Variants in ZNF644 observed in about 807,000 individuals in gnomAD.
ZNF644 encodes the protein zinc finger protein 644.
In ZNF644, 20 loss-of-function variants were observed where a neutral mutation model predicts 108.0. That is an observed-to-expected ratio of 0.19 (90% CI 0.13 to 0.27). The LOEUF is 0.27. ZNF644 is among the 10% of genes least tolerant of loss of function. ZNF644 has a pLI of 1.00. For missense variants in ZNF644, 1,338 were observed against 1,548.9 expected (o/e 0.86, Z 2.29); for synonymous variants, 542 against 539.1 (o/e 1.01, Z -0.08).
In ZNF644 at chr1:90,940,181, A is replaced by C; in HGVS notation, c.1173T>G (p.Cys391Trp). 6.2e-7 allele frequency: 1 copy of C among 1,613,966 alleles called. No homozygotes were observed. Among genetic ancestry groups the C allele is most frequent in the Non-Finnish European group, 8.5e-7 (1 of 1,179,936 alleles). ...TFLSNTLKKKCEESDSESPAT... is the reference protein window; with the variant it reads ...TFLSNTLKKKWEESDSESPAT... The stretch of plus-strand genomic sequence containing the variant: ...CAGGTGACTCAGAATCACTCTCTTC[A>C]CATTTCTTTTTTAAGGTATTTGAAA... Residue 391 changes from cysteine (C) to tryptophan (W), a missense_variant, in exon 3 of 6, where the codon TGT becomes TGG. Cys to Trp is a radical substitution (Grantham distance 215). This residue lies in a region of ZNF644 where 464 missense variants were observed against 457.9 expected (regional missense o/e 1.01). Coordinates refer to ENST00000337393, the MANE Select transcript of ZNF644 (RefSeq NM_201269.3).
At chr1:90,994,461 G>A (rs1350240158) in intron 1 of ZNF644, among the ~76,000 whole-genome samples, 1 of 152,196 alleles carries the variant, frequency 6.6e-6, no homozygotes, top group Non-Finnish European at 1.5e-5. Context: ...GGCAGTCAGA[G>A]AACCAGAGGG....
At chr1:90,950,482 C>A (rs1014981690) in intron 2 of ZNF644, among the ~76,000 whole-genome samples, 2 of 150,736 alleles carry the variant, frequency 1.3e-5, no homozygotes, top group Non-Finnish European at 3.0e-5. Context: ...GTTTACAGAA[C>A]CTGAGGATAT....
intron 1 of ZNF644, among the ~76,000 whole-genome samples, chr1:91,016,800 C>T (rs138670647): frequency 1.3e-5 from 2 of 152,248 alleles, no homozygotes; most frequent in East Asian, 3.9e-4. Context: ...GTCTATTTGG[C>T]TCAAAATATA....
intron 1 of ZNF644, among the ~76,000 whole-genome samples, chr1:90,991,411 C>T (rs930631199): frequency 4.6e-4 from 70 of 152,178 alleles, no homozygotes; most frequent in African/African-American, 1.7e-3. Flanking sequence ...AGGATCCAGT[C>T]ATGGAGTGGA....
chr1:90,944,072 G>C (rs765977299), intron 2 of ZNF644, among the ~76,000 whole-genome samples: 2 of 152,176 alleles, frequency 1.3e-5, no homozygotes, highest in Non-Finnish European at 2.9e-5. Context: ...TGTTGCTAAC[G>C]AAGTGGTAAA....
At chr1:90,969,002 T>C (rs1407620236) in intron 2 of ZNF644, among the ~76,000 whole-genome samples, 1 of 152,316 alleles carries the variant, frequency 6.6e-6, no homozygotes, top group East Asian at 1.9e-4. Context: ...CAAATTTTCT[T>C]CAGTAAGCAG....
At chr1:90,947,473 T>C (rs1369513031) in intron 2 of ZNF644, among the ~76,000 whole-genome samples, 1 of 152,168 alleles carries the variant, frequency 6.6e-6, no homozygotes, top group Non-Finnish European at 1.5e-5. Flanking sequence ...GAAACCAATG[T>C]ACCTAAGTAT....
chr1:90,926,419 C>T (rs1166188461), intron 4 of ZNF644, among the ~76,000 whole-genome samples: 1 of 152,154 alleles, frequency 6.6e-6, no homozygotes, highest in Non-Finnish European at 1.5e-5. Context: ...CTGTCTCACC[C>T]TTCCTCCTTT....
chr1:91,016,326 G>A (rs1423945961), intron 1 of ZNF644, among the ~76,000 whole-genome samples: 1 of 152,110 alleles, frequency 6.6e-6, no homozygotes, highest in Non-Finnish European at 1.5e-5. Context: ...TGCATTCTTA[G>A]GCAATTTGGT....
intron 4 of ZNF644, chr1:90,935,426 C>T: frequency 2.0e-6 from 2 of 985,834 alleles, no homozygotes; most frequent in Non-Finnish European, 2.4e-6. Flanking sequence ...GTCAAAAGTC[C>T]AGCACTCTTC....
chr1:90,979,594 T>C (rs1656355228), intron 2 of ZNF644, among the ~76,000 whole-genome samples: 1 of 152,254 alleles, frequency 6.6e-6, no homozygotes, highest in Admixed American at 6.5e-5. Flanking sequence ...TCAAAAATGT[T>C]ATCACAGTTC....
At chr1:90,967,261 G>A (rs1480393860) in intron 2 of ZNF644, among the ~76,000 whole-genome samples, 2 of 152,030 alleles carry the variant, frequency 1.3e-5, no homozygotes, top group Admixed American at 6.6e-5. Flanking sequence ...GCCCTCCATC[G>A]CACAAATCTA....
intron 4 of ZNF644, among the ~76,000 whole-genome samples, chr1:90,935,749 G>A (rs909028786): frequency 7.9e-5 from 12 of 152,178 alleles, no homozygotes; most frequent in Admixed American, 2.6e-4. Flanking sequence ...GACGAGGAGT[G>A]ACTTGAACCT....
chr1:90,918,663 A>G (rs1570321389), intron 4 of ZNF644, among the ~76,000 whole-genome samples: 1 of 152,162 alleles, frequency 6.6e-6, no homozygotes, highest in Non-Finnish European at 1.5e-5. Context: ...TAATGTAATT[A>G]AAAGCTCAAG....
At chr1:90,953,667 C>CATT in intron 2 of ZNF644, among the ~76,000 whole-genome samples, 1 of 152,060 alleles carries the variant, frequency 6.6e-6, no homozygotes, top group African/African-American at 2.4e-5. Context: ...TGTAATCCCA[C>CATT]ACTTTGGGAG....
chr1:91,006,551 C>T (rs982669974), intron 1 of ZNF644, among the ~76,000 whole-genome samples: 9 of 152,172 alleles, frequency 5.9e-5, no homozygotes, highest in African/African-American at 1.9e-4. Context: ...GCCAATATTG[C>T]CCTCATACCA....
Position 90,938,459 on chromosome 1 carries a change from A to G in ZNF644, c.2895T>C (p.Cys965=), listed in dbSNP as rs756388417. The G allele has an allele frequency of 3.1e-6, 5 of 1,613,902 alleles. No homozygotes were observed. Among genetic ancestry groups the G allele is most frequent in the Non-Finnish European group, 4.2e-6 (5 of 1,179,938 alleles). ...WTDLSLEKKS[C]PYCPATFETG... ...TTTCAAATGTTGCTGGGCAGTAAGG[A>G]CACGATTTCTTCTCAAGAGACAAAT... is the stretch of plus-strand genomic sequence containing the variant. The change falls in exon 3 of 6, where the codon TGT becomes TGC. Residue 965 remains cysteine (C), a synonymous_variant. Coordinates refer to ENST00000337393, the MANE Select transcript of ZNF644 (RefSeq NM_201269.3). The surrounding 1 kb of genome is among the most constrained non-coding windows in gnomAD (Gnocchi z 4.2).
chr1:90,936,087 CTGAA>C (rs1464467351), intron 4 of ZNF644, among the ~76,000 whole-genome samples: 1 of 152,112 alleles, frequency 6.6e-6, no homozygotes, highest in Non-Finnish European at 1.5e-5. Flanking sequence ...GTTCATTACT[CTGAA>C]TGCGCAATCA....
Position 90,982,346 on chromosome 1 carries a change from G to A in ZNF644, c.8C>T (p.Ser3Leu), listed in dbSNP as rs751252837. The A allele has an allele frequency of 2.8e-5, 45 of 1,610,478 alleles. No individual in the cohort carries two copies. The highest frequency in any genetic ancestry group is 2.5e-4 in the East Asian group (11 of 44,692). MRSFLQQDVNKTK... is the reference protein window; with the variant it reads MRLFLQQDVNKTK... Reference sequence around the variant, plus strand: ...CTTATTAACATCTTGCTGCAAGAACGATCTCATCCAAAATTAAATCAAACC... The same window carrying A: ...CTTATTAACATCTTGCTGCAAGAACAATCTCATCCAAAATTAAATCAAACC... The change falls in exon 2 of 6, where the codon TCG becomes TTG. Residue 3 changes from serine (S) to leucine (L), a missense_variant. Ser to Leu is a moderately radical substitution (Grantham distance 145). Coordinates refer to ENST00000337393, the MANE Select transcript of ZNF644 (RefSeq NM_201269.3).
Sources: gnomAD v4.1 joint callset for allele counts (sites outside exome capture counted in the v4.1 genomes callset) on GRCh38, gnomAD v4.1.1 for gene constraint, gnomAD v4.1.1 regional missense constraint, Gnocchi (gnomAD v3.1) non-coding constraint, MANE v1.5 for transcripts, NCBI Gene and HGNC (gene_info 2026-07-23, HGNC 2026-07-21) for gene names.